Variants in MRPL42 observed in about 807,000 individuals in gnomAD.
MRPL42 encodes large ribosomal subunit protein mL42.
MRPL42 carries 17 observed loss-of-function variants against 17.9 expected under a neutral mutation model. That is an observed-to-expected ratio of 0.95 (90% CI 0.65 to 1.42). The LOEUF is 1.42. Ranked by LOEUF, MRPL42 falls within the 40% of genes most tolerant of loss-of-function variation. MRPL42 has a pLI of 0.00. For missense variants in MRPL42, 177 were observed against 175.2 expected, an observed-to-expected ratio of 1.01 and a Z score of -0.06; for synonymous variants, 59 against 54.4, an observed-to-expected ratio of 1.08 and a Z score of -0.37.
chr12:93,480,919 A>G (rs1379546641), intron 4 of MRPL42, among the ~76,000 whole-genome samples: 1 of 152,172 alleles, frequency 6.6e-6, no homozygotes, highest in Non-Finnish European at 1.5e-5. Flanking sequence ...TATCATAGGT[A>G]CTAATTCAGT....
In MRPL42 at chr12:93,513,162, A is replaced by G. The variant is rs1463882014; in HGVS notation, c.*11941A>G. 2 of 149,560 alleles carry G rather than the reference A, an allele frequency of 1.3e-5. No homozygotes were observed. Among genetic ancestry groups the G allele is most frequent in the Non-Finnish European group, 3.0e-5 (2 of 67,662 alleles). The allele number at this position is 149,560 out of a possible 1,614,324, so 9.3% of individuals were successfully genotyped here. ...TACATATTTTAACGAGAAAGAAACC[A>G]GCTCATTTGTGACATTTAGAATTTT... On this transcript the variant is annotated 3_prime_UTR_variant, in exon 6 of 6. Transcript: ENST00000549982.
At chr12:93,471,222 G>A (rs1879893806) in intron 2 of MRPL42, among the ~76,000 whole-genome samples, 2 of 152,086 alleles carry the variant, frequency 1.3e-5, no homozygotes, top group South Asian at 4.1e-4. Context: ...GGAGTGCAGA[G>A]GCATGATCTT....
At chr12:93,491,793 A>C (rs1360890586) in intron 5 of MRPL42, among the ~76,000 whole-genome samples, 1 of 151,964 alleles carries the variant, frequency 6.6e-6, no homozygotes, top group African/African-American at 2.4e-5. Flanking sequence ...TGTTGTCCCC[A>C]GTGTTTTTTG....
chr12:93,469,199 A>G lies in MRPL42; in HGVS notation c.-87A>G. On this transcript the variant is annotated 5_prime_UTR_variant, in exon 2 of 6. Coordinates refer to ENST00000549982, the MANE Select transcript of MRPL42 (RefSeq NM_014050.4). Reference sequence around the variant, plus strand: ...TCTTTATCTCTTCAGCAGGAGTAGAAATTGGTATGCTTAGAAGCAGATTCT... The same window carrying G: ...TCTTTATCTCTTCAGCAGGAGTAGAGATTGGTATGCTTAGAAGCAGATTCT... 1 of 1,015,302 alleles carries G rather than the reference A, an allele frequency of 9.8e-7. No individual in the cohort carries two copies. The highest frequency in any genetic ancestry group is 1.5e-6 in the Non-Finnish European group (1 of 675,944). The allele number at this position is 1,015,302 out of a possible 1,614,324, so 62.9% of individuals were successfully genotyped here.
chr12:93,496,553 G>C (rs1028374103), intron 5 of MRPL42, among the ~76,000 whole-genome samples: 4 of 149,490 alleles, frequency 2.7e-5, no homozygotes, highest in South Asian at 2.1e-4. Flanking sequence ...GCAAATAGCA[G>C]AGGAAGAGTA....
At chr12:93,475,538 A>G (rs1880124335) in intron 2 of MRPL42, among the ~76,000 whole-genome samples, 1 of 152,204 alleles carries the variant, frequency 6.6e-6, no homozygotes, top group Non-Finnish European at 1.5e-5. Flanking sequence ...TATCACAGGA[A>G]CAAGAGGCTC....
chr12:93,493,835 C>CCGTATCATT (rs1312191167), intron 5 of MRPL42, among the ~76,000 whole-genome samples: 69 of 1,366 alleles, frequency 0.051, no homozygotes, highest in Non-Finnish European at 0.071. Context: ...CTGTAGTACA[C>CCGTATCATT]AAAACAAGAT....
At chr12:93,497,319 C>A (rs1953524187) in intron 5 of MRPL42, among the ~76,000 whole-genome samples, 1 of 152,072 alleles carries the variant, frequency 6.6e-6, no homozygotes, top group South Asian at 2.1e-4. Flanking sequence ...AACATGGATG[C>A]TAAAATCCTC....
chr12:93,489,224 G>C (rs952516254), intron 5 of MRPL42, among the ~76,000 whole-genome samples: 6 of 152,118 alleles, frequency 3.9e-5, no homozygotes, highest in Non-Finnish European at 7.4e-5. Flanking sequence ...GGAGGGTTAG[G>C]AGTTAACCCA....
At chr12:93,490,831 A>T (rs970419544) in intron 5 of MRPL42, among the ~76,000 whole-genome samples, 1 of 152,240 alleles carries the variant, frequency 6.6e-6, no homozygotes, top group South Asian at 2.1e-4. Context: ...AACTGGGGGT[A>T]TATAACTTCT....
At chr12:93,487,025 A>C (rs1012203479) in intron 4 of MRPL42, among the ~76,000 whole-genome samples, 1 of 152,062 alleles carries the variant, frequency 6.6e-6, no homozygotes, top group African/African-American at 2.4e-5. Context: ...GCTGGAGCAC[A>C]GTAGTGTGAT....
At position 93,501,400 on chromosome 12, in the gene MRPL42, C is replaced by G. The variant is rs1203792689; in HGVS notation, c.*179C>G. The G allele has an allele frequency of 2.4e-6, 1 of 421,684 alleles. No individual in the cohort carries two copies. The highest frequency in any genetic ancestry group is 2.1e-5 in the African/African-American group (1 of 48,306). 26.1% of individuals were successfully genotyped at this position (421,684 alleles called of 1,614,324 possible). On this transcript the variant is annotated 3_prime_UTR_variant, in exon 6 of 6. Transcript: ENST00000549982. ...ATTTGACATTCTCATTTAGAGAAAC[C>G]TATTTTCTTTTTTCTTTTTCTATTT...
intron 2 of MRPL42, among the ~76,000 whole-genome samples, chr12:93,474,380 C>G (rs1006694146): frequency 6.7e-6 from 1 of 149,882 alleles, no homozygotes; most frequent in Non-Finnish European, 1.5e-5. Context: ...ATCAAGCGAT[C>G]CTGCTGCCTT....
intron 5 of MRPL42, among the ~76,000 whole-genome samples, chr12:93,491,647 T>G (rs1472869988): frequency 6.6e-6 from 1 of 152,190 alleles, no homozygotes; most frequent in Non-Finnish European, 1.5e-5. Context: ...TTATTTCAAT[T>G]TTTAGCTTCA....
At chr12:93,483,359 T>TA (rs1880556343) in intron 4 of MRPL42, among the ~76,000 whole-genome samples, 1 of 152,192 alleles carries the variant, frequency 6.6e-6, no homozygotes. Context: ...GTGAACATCA[T>TA]AGAGTGTCAC....
intron 5 of MRPL42, among the ~76,000 whole-genome samples, chr12:93,496,021 A>T (rs1220659723): frequency 1.3e-5 from 2 of 152,154 alleles, no homozygotes; most frequent in Non-Finnish European, 2.9e-5. Context: ...CTGTGTTAGA[A>T]TTATTGTGGA....
intron 2 of MRPL42, among the ~76,000 whole-genome samples, chr12:93,470,209 T>C (rs1286439834): frequency 6.6e-6 from 1 of 152,206 alleles, no homozygotes; most frequent in African/African-American, 2.4e-5. Context: ...TCTAAAGAAC[T>C]GTATATAGTT....
At chr12:93,500,796 A>AT (rs1953576520) in intron 5 of MRPL42, 1 of 155,452 alleles carries the variant, frequency 6.4e-6, no homozygotes, top group African/African-American at 2.4e-5. Flanking sequence ...GCTTAATTTA[A>AT]TTAATAGTCA....
chr12:93,510,884 A>G lies in MRPL42; in HGVS notation c.*9663A>G, dbSNP rs1425788091. The G allele has an allele frequency of 2.6e-5, 4 of 152,220 alleles. No individual in the cohort carries two copies. Among genetic ancestry groups the G allele is most frequent in the Non-Finnish European group, 5.9e-5 (4 of 68,038 alleles). The allele number at this position is 152,220 out of a possible 1,614,324, so 9.4% of individuals were successfully genotyped here. On this transcript the variant is annotated 3_prime_UTR_variant, in exon 6 of 6. Transcript: ENST00000549982. ...ACCAGTGTTAAGATTAGATCTGTTTAAAGAGAAAGGAGAGAAAGTTTCAGG... is the reference window on the plus strand; with the variant it reads ...ACCAGTGTTAAGATTAGATCTGTTTGAAGAGAAAGGAGAGAAAGTTTCAGG...
Sources: allele counts gnomAD v4.1 joint callset (sites outside exome capture counted in the v4.1 genomes callset), GRCh38; gene constraint gnomAD v4.1.1; transcripts MANE v1.5; gene names NCBI Gene and HGNC (gene_info 2026-07-23, HGNC 2026-07-21).